The following KMT2C variants were observed in gnomAD, a reference collection of about 807,000 sequenced individuals.
The protein encoded by KMT2C is lysine methyltransferase 2C.
Under a neutral mutation model 507.9 loss-of-function variants are expected in KMT2C, and 88 were observed. The ratio of observed to expected loss-of-function variants is 0.17; its 90% CI spans 0.15 to 0.21. KMT2C has a LOEUF of 0.21. Among genes scored for constraint, KMT2C ranks in the 10% least tolerant of loss-of-function variants. The pLI is 1.00. For synonymous variants in KMT2C, 2,049 were observed against 2,080.8 expected, an observed-to-expected ratio of 0.98 and a Z score of 0.42; for missense variants, 4,954 against 5,957.8, an observed-to-expected ratio of 0.83 and a Z score of 5.55.
At chr7:152,286,185 T>C (rs2096293882) in intron 6 of KMT2C, among the ~76,000 whole-genome samples, 1 of 152,246 alleles carries the variant, frequency 6.6e-6, no homozygotes, top group African/African-American at 2.4e-5. Context: ...ATATCAAATA[T>C]ACTAACATTC....
chr7:152,395,365 A>G (rs1052244465), intron 1 of KMT2C, among the ~76,000 whole-genome samples: 3 of 150,438 alleles, frequency 2.0e-5, no homozygotes, highest in African/African-American at 7.4e-5. Flanking sequence ...TCCCCCCCCC[A>G]GTTAGAGACA....
intron 24 of KMT2C, among the ~76,000 whole-genome samples, chr7:152,206,358 C>G (rs1228507294): frequency 6.6e-6 from 1 of 151,822 alleles, no homozygotes; most frequent in Non-Finnish European, 1.5e-5. Flanking sequence ...CACTTATAAG[C>G]CTCATGATCA....
intron 1 of KMT2C, among the ~76,000 whole-genome samples, chr7:152,416,535 C>G (rs1017566190): frequency 1.3e-5 from 2 of 149,956 alleles, no homozygotes; most frequent in Non-Finnish European, 2.9e-5. Context: ...GGCGACAGAG[C>G]AAGACTCATC....
At position 152,259,450 on chromosome 7, in the gene KMT2C, A is replaced by ACACACG. The variant is rs1563624735; in HGVS notation, c.1299+3565_1299+3566insCGTGTG. ...AAAACACAGACACACACACGCGCAC[A>ACACACG]CACACACACACACACACACACACAC... On this transcript the variant is annotated intron_variant, in intron 9 of 58. Coordinates refer to ENST00000262189, the MANE Select transcript of KMT2C (RefSeq NM_170606.3). Among the ~76,000 whole-genome samples the ACACACG allele has an allele frequency of 3.0e-3, 269 of 91,160 alleles. 2 individuals are homozygous for ACACACG. Among genetic ancestry groups the ACACACG allele is most frequent in the African/African-American group, 0.012 (249 of 20,328 alleles). The allele number at this position is 91,160 out of a possible 152,430, so 59.8% of individuals were successfully genotyped here.
chr7:152,144,646 T>A lies in KMT2C; in HGVS notation c.14343+67A>T. 1.4e-6 allele frequency: 2 copies of A among 1,454,952 alleles called. No individual in the cohort carries two copies. Among genetic ancestry groups the A allele is most frequent in the Admixed American group, 3.7e-5 (2 of 54,336 alleles). The allele number at this position is 1,454,952 out of a possible 1,614,324, so 90.1% of individuals were successfully genotyped here. On this transcript the variant is annotated intron_variant, in intron 55 of 58. Coordinates refer to ENST00000262189, the MANE Select transcript of KMT2C (RefSeq NM_170606.3). This position sits in a 1 kb window ranked among gnomAD's most constrained non-coding sequence, Gnocchi z 4.4. Reference sequence around the variant, plus strand: ...TGAAATCATTTTCACATACTGGACATCAATAGCTTCAGATTGCTAGACTCC... The same window carrying A: ...TGAAATCATTTTCACATACTGGACAACAATAGCTTCAGATTGCTAGACTCC...
At chr7:152,390,425 A>G (rs2097483263) in intron 1 of KMT2C, among the ~76,000 whole-genome samples, 1 of 152,310 alleles carries the variant, frequency 6.6e-6, no homozygotes. Context: ...TTGTTAAACA[A>G]GTCCTTGGGG....
intron 1 of KMT2C, among the ~76,000 whole-genome samples, chr7:152,426,044 T>G (rs1315184552): frequency 6.6e-6 from 1 of 152,012 alleles, no homozygotes; most frequent in African/African-American, 2.4e-5. Flanking sequence ...CATATACAAC[T>G]CCTAGGGAAT....
chr7:152,182,128 C>T lies in KMT2C; in HGVS notation c.5732G>A (p.Gly1911Asp), dbSNP rs2129120689. ...MVGTPRPPPVGHSFSRRNSAA... is the reference protein window; with the variant it reads ...MVGTPRPPPVDHSFSRRNSAA... ...AGAATTTCTTCTGGAAAAACTATGG[C>T]CCACAGGAGGTGGTCGAGGGGTACC... The change falls in exon 36 of 59, where the codon GGC becomes GAC. Residue 1911 changes from glycine to aspartate, a missense_variant. Gly to Asp is a moderately conservative substitution (Grantham distance 94). This residue lies in a region of KMT2C where 1,689 missense variants were observed against 1,654.3 expected (regional missense o/e 1.02). Coordinates refer to ENST00000262189, the MANE Select transcript of KMT2C (RefSeq NM_170606.3). 1 of 1,614,146 alleles carries T rather than the reference C, an allele frequency of 6.2e-7. No individual in the cohort carries two copies. The highest frequency in any genetic ancestry group is 8.5e-7 in the Non-Finnish European group (1 of 1,180,020).
intron 1 of KMT2C, among the ~76,000 whole-genome samples, chr7:152,378,278 G>T (rs2097344302): frequency 6.6e-6 from 1 of 152,140 alleles, no homozygotes; most frequent in African/African-American, 2.4e-5. Flanking sequence ...GAAAGAAACA[G>T]GCAATCAATG....
chr7:152,137,089 G>A, intron 58 of KMT2C, 165 bp from the exon 59 acceptor site: 1 of 605,390 alleles, frequency 1.7e-6, no homozygotes, highest in Non-Finnish European at 2.9e-6. Context: ...CCTGAAAAGA[G>A]GCATTGTGCT....
At chr7:152,384,548 A>ACACCACCACTACCACCACCAC (rs1564068171) in intron 1 of KMT2C, among the ~76,000 whole-genome samples, 6 of 62,174 alleles carry the variant, frequency 9.7e-5, no homozygotes, top group African/African-American at 1.9e-4. Flanking sequence ...CATGTGCATA[A>ACACCACCACTACCACCACCAC]CACCACCACC....
chr7:152,337,592 CT>C (rs2096948675), intron 2 of KMT2C, among the ~76,000 whole-genome samples: 1 of 152,160 alleles, frequency 6.6e-6, no homozygotes, highest in Non-Finnish European at 1.5e-5. Context: ...AGTCTGCATT[CT>C]AGCTCTGCCA....
rs760133262 is a variant in KMT2C at position 152,139,804 on chromosome 7, GT to G, written c.14344-14del. ...ACAGGCCCAGCCCCTAAAAAAAAGT[GT>G]GTACATACTTCCAATTTATGTGACA... On this transcript the variant is annotated splice_polypyrimidine_tract_variant and intron_variant, in intron 55 of 58. Coordinates refer to ENST00000262189, the MANE Select transcript of KMT2C (RefSeq NM_170606.3). 28 of 1,569,326 alleles carry G rather than the reference GT, an allele frequency of 1.8e-5. No individual in the cohort carries two copies. Among genetic ancestry groups the G allele is most frequent in the Non-Finnish European group, 2.1e-5 (24 of 1,140,570 alleles).
intron 51 of KMT2C, among the ~76,000 whole-genome samples, chr7:152,150,279 A>G (rs1457178815): frequency 6.6e-6 from 1 of 152,230 alleles, no homozygotes; most frequent in African/African-American, 2.4e-5. Flanking sequence ...ATCTTTAAAC[A>G]GGTTTTCCTA....
At chr7:152,371,570 A>G (rs1009683560) in intron 1 of KMT2C, among the ~76,000 whole-genome samples, 2 of 152,106 alleles carry the variant, frequency 1.3e-5, no homozygotes, top group Non-Finnish European at 2.9e-5. Context: ...TTAATACTCC[A>G]GAAGACACAG....
At chr7:152,164,121 A>T (rs2092605818) in intron 42 of KMT2C, among the ~76,000 whole-genome samples, 1 of 152,194 alleles carries the variant, frequency 6.6e-6, no homozygotes, top group African/African-American at 2.4e-5. Flanking sequence ...TGAAACTCAT[A>T]TATACTATTT....
chr7:152,232,891 T>A (rs893085668), intron 16 of KMT2C, among the ~76,000 whole-genome samples: 2 of 152,152 alleles, frequency 1.3e-5, no homozygotes, highest in Non-Finnish European at 2.9e-5. Context: ...AGATAAAGTA[T>A]CTATTTCTAC....
chr7:152,201,617 G>GAAAAA (rs745427209), intron 26 of KMT2C, among the ~76,000 whole-genome samples: 1 of 22,874 alleles, frequency 4.4e-5, no homozygotes, highest in Non-Finnish European at 1.9e-4. Context: ...CAACAAAGAT[G>GAAAAA]AAAAAAAAAA....
intron 49 of KMT2C, 78 bp downstream of exon 49, chr7:152,152,627 T>C: frequency 6.5e-7 from 1 of 1,531,516 alleles, no homozygotes; most frequent in Admixed American, 1.7e-5. Flanking sequence ...TGTTAAAAGA[T>C]AATCAGTATC....
Sources: allele counts gnomAD v4.1 joint callset (sites outside exome capture counted in the v4.1 genomes callset), GRCh38; gene constraint gnomAD v4.1.1; regional missense constraint gnomAD v4.1.1; non-coding constraint Gnocchi (gnomAD v3.1); transcripts MANE v1.5; gene names NCBI Gene and HGNC (gene_info 2026-07-23, HGNC 2026-07-21).